Variants in FHIT observed in about 807,000 individuals in gnomAD.
The protein encoded by FHIT is bis(5'-adenosyl)-triphosphatase.
In FHIT, 19 loss-of-function variants were observed where a neutral mutation model predicts 17.9. That is an observed-to-expected ratio of 1.06 (90% CI 0.74 to 1.56). The LOEUF (loss-of-function observed/expected upper bound fraction) is 1.56, where lower values mean the gene tolerates loss of function less well. Ranked by LOEUF, FHIT falls within the 40% of genes most tolerant of loss-of-function variation. The pLI, the probability that FHIT is intolerant of heterozygous loss-of-function variation, is 0.00. For synonymous variants in FHIT, 81 were observed against 69.7 expected (o/e 1.16, Z -0.81); for missense variants, 248 against 189.2 (o/e 1.31, Z -1.82).
intron 4 of FHIT, among the ~76,000 whole-genome samples, chr3:60,637,156 AAG>A (rs1157036479): frequency 6.6e-6 from 1 of 152,174 alleles, no homozygotes; most frequent in Non-Finnish European, 1.5e-5. Context: ...GAGAAAAAAA[AAG>A]ACTCAGCAAA....
chr3:59,994,948 GTTCT>G (rs1699445278), intron 7 of FHIT, among the ~76,000 whole-genome samples: 3 of 152,052 alleles, frequency 2.0e-5, no homozygotes, highest in Admixed American at 2.0e-4. Context: ...CCTAACAAAT[GTTCT>G]TGTGGGTCAG....
At chr3:61,015,034 T>A (rs1045676982) in intron 3 of FHIT, among the ~76,000 whole-genome samples, 1 of 151,420 alleles carries the variant, frequency 6.6e-6, no homozygotes, top group Non-Finnish European at 1.5e-5. Context: ...CTAGATAAGG[T>A]ACTTTTCCTG....
intron 3 of FHIT, among the ~76,000 whole-genome samples, chr3:60,957,532 G>A (rs572740362): frequency 1.7e-4 from 25 of 147,208 alleles, no homozygotes; most frequent in East Asian, 5.9e-4. Context: ...CCATGGCGCC[G>A]GGCCCATCTT....
At chr3:61,147,314 T>A (rs1360237253) in intron 2 of FHIT, among the ~76,000 whole-genome samples, 1 of 152,068 alleles carries the variant, frequency 6.6e-6, no homozygotes, top group Non-Finnish European at 1.5e-5. Flanking sequence ...ATAATAACTA[T>A]ATAATACATT....
chr3:60,150,152 C>A (rs1013547495), intron 5 of FHIT, among the ~76,000 whole-genome samples: 1 of 151,682 alleles, frequency 6.6e-6, no homozygotes, highest in Non-Finnish European at 1.5e-5. Context: ...ATGCGCCCCC[C>A]ACGCCCGGCT....
intron 5 of FHIT, among the ~76,000 whole-genome samples, chr3:60,046,501 C>T (rs1158177635): frequency 5.3e-5 from 8 of 152,200 alleles, no homozygotes; most frequent in Admixed American, 5.2e-4. Flanking sequence ...GTATATATGA[C>T]TGCCTCCAGG....
intron 8 of FHIT, among the ~76,000 whole-genome samples, chr3:59,845,312 T>C (rs75496135): frequency 6.6e-6 from 1 of 152,052 alleles, no homozygotes; most frequent in African/African-American, 2.4e-5. Context: ...CTCTAATCTT[T>C]ATTCTTTCCT....
intron 4 of FHIT, among the ~76,000 whole-genome samples, chr3:60,776,525 G>T (rs1700221283): frequency 6.6e-6 from 1 of 152,142 alleles, no homozygotes; most frequent in Admixed American, 6.5e-5. Context: ...TGCAAGGTTT[G>T]CTAAGTGTTT....
intron 4 of FHIT, among the ~76,000 whole-genome samples, chr3:60,711,346 G>A (rs2041525601): frequency 6.6e-6 from 1 of 152,132 alleles, no homozygotes; most frequent in Admixed American, 6.5e-5. Context: ...AAAAAAACTG[G>A]AAACTCTAAA....
chr3:60,125,664 G>GTA (rs780023192), intron 5 of FHIT, among the ~76,000 whole-genome samples: 5 of 134,630 alleles, frequency 3.7e-5, no homozygotes, highest in South Asian at 4.8e-4. Context: ...ATGTGTTTGT[G>GTA]TATATATATG....
intron 8 of FHIT, among the ~76,000 whole-genome samples, chr3:59,894,555 G>A (rs1703986064): frequency 6.6e-6 from 1 of 150,502 alleles, no homozygotes; most frequent in Non-Finnish European, 1.5e-5. Context: ...ACAAGCAGTG[G>A]TGGAGTGGGA....
intron 5 of FHIT, among the ~76,000 whole-genome samples, chr3:60,109,335 G>A (rs1288671318): frequency 6.6e-6 from 1 of 152,108 alleles, no homozygotes; most frequent in African/African-American, 2.4e-5. Flanking sequence ...AACTTTTCAT[G>A]TCATCTCACG....
chr3:60,243,304 A>C (rs1030551769), intron 5 of FHIT, among the ~76,000 whole-genome samples: 1 of 152,150 alleles, frequency 6.6e-6, no homozygotes, highest in Admixed American at 6.6e-5. Flanking sequence ...AAAAGGGACA[A>C]GATCCCCACA....
At chr3:60,923,364 T>G (rs1248807972) in intron 3 of FHIT, among the ~76,000 whole-genome samples, 2 of 152,172 alleles carry the variant, frequency 1.3e-5, no homozygotes, top group Non-Finnish European at 2.9e-5. Context: ...AGCCTCCATT[T>G]CCCTGTAGGT....
At chr3:60,654,126 C>CCCTTCT (rs71092624) in intron 4 of FHIT, among the ~76,000 whole-genome samples, 122,784 of 151,694 alleles carry the variant, frequency 0.81, 49,823 homozygotes, top group East Asian at 0.88. Context: ...CTTCCCCTTC[C>CCCTTCT]GCCATAATTG....
At chr3:60,284,284 A>G (rs1210307727) in intron 5 of FHIT, among the ~76,000 whole-genome samples, 2 of 152,184 alleles carry the variant, frequency 1.3e-5, no homozygotes, top group African/African-American at 4.8e-5. Context: ...GCAAATGGTA[A>G]ATGTAAAGAC....
intron 3 of FHIT, among the ~76,000 whole-genome samples, chr3:60,827,956 G>C (rs17630913): frequency 0.045 from 6,913 of 152,274 alleles, 214 homozygotes; most frequent in South Asian, 0.11. Context: ...TCCAGATTGT[G>C]GACTTGAGAA....
At chr3:61,189,781 A>G (rs1314001122) in intron 2 of FHIT, among the ~76,000 whole-genome samples, 3 of 152,064 alleles carry the variant, frequency 2.0e-5, no homozygotes, top group East Asian at 3.9e-4. Context: ...ATAATGCCAC[A>G]TATCTACAAC....
intron 5 of FHIT, among the ~76,000 whole-genome samples, chr3:60,239,695 A>T (rs923851979): frequency 6.6e-6 from 1 of 152,222 alleles, no homozygotes; most frequent in Non-Finnish European, 1.5e-5. Flanking sequence ...CACAGATTTA[A>T]CTATATTTAA....
Sources: allele counts gnomAD v4.1 joint callset (sites outside exome capture counted in the v4.1 genomes callset), GRCh38; gene constraint gnomAD v4.1.1; transcripts MANE v1.5; gene names NCBI Gene and HGNC (gene_info 2026-07-23, HGNC 2026-07-21).